The following TMEM87B variants were observed in gnomAD, a reference collection of about 807,000 sequenced individuals.
The protein encoded by TMEM87B is transmembrane protein 87B.
In TMEM87B, 83 loss-of-function variants were observed where a neutral mutation model predicts 80.3. The observed-to-expected ratio is 1.03, with a 90% CI of 0.87 to 1.24. The LOEUF (loss-of-function observed/expected upper bound fraction) is 1.24. Ranked by LOEUF, TMEM87B falls within the 50% of genes most tolerant of loss-of-function variation. The pLI is 0.00. For missense variants in TMEM87B, 625 were observed against 674.4 expected, an observed-to-expected ratio of 0.93 and a Z score of 0.81; for synonymous variants, 219 against 230.5, an observed-to-expected ratio of 0.95 and a Z score of 0.45.
At position 112,060,661 on chromosome 2, in the gene TMEM87B, C is replaced by G. The variant is rs373526222; in HGVS notation, c.226+624C>G. On this transcript the variant is annotated intron_variant, in intron 2 of 18. Coordinates refer to ENST00000283206, the MANE Select transcript of TMEM87B (RefSeq NM_032824.3). ...AAGTGATTCTCCTGCCTCAGCCTCC[C>G]TAGTAGCTGAGATTACAGGCGAACG... Among the ~76,000 whole-genome samples the G allele has an allele frequency of 9.9e-5, 15 of 151,654 alleles. No individual in the cohort carries two copies. The East Asian group carries it at 2.6e-3, about 26-fold the overall frequency.
At chr2:112,086,354 A>C (rs1453702406) in intron 9 of TMEM87B, among the ~76,000 whole-genome samples, 1 of 152,262 alleles carries the variant, frequency 6.6e-6, no homozygotes, top group African/African-American at 2.4e-5. Context: ...TTTAAGGATA[A>C]TGGAAAATCT....
chr2:112,058,088 A>G (rs1223426775), intron 1 of TMEM87B, among the ~76,000 whole-genome samples: 3 of 152,102 alleles, frequency 2.0e-5, no homozygotes, highest in Non-Finnish European at 1.5e-5. Context: ...CAGCCTCCCA[A>G]AGTTCTGGGA....
chr2:112,111,588 A>T (rs1021911116), intron 17 of TMEM87B, among the ~76,000 whole-genome samples: 1 of 152,216 alleles, frequency 6.6e-6, no homozygotes, highest in African/African-American at 2.4e-5. Flanking sequence ...CGAAAACTTT[A>T]ACACAAGAAA....
chr2:112,111,849 C>T (rs1679926219), intron 17 of TMEM87B, among the ~76,000 whole-genome samples: 1 of 152,096 alleles, frequency 6.6e-6, no homozygotes, highest in Non-Finnish European at 1.5e-5. Context: ...AGCTTATCTC[C>T]CTCTTTAATG....
chr2:112,109,244 A>C (rs1344319993), intron 17 of TMEM87B, among the ~76,000 whole-genome samples: 1 of 152,346 alleles, frequency 6.6e-6, no homozygotes, highest in Non-Finnish European at 1.5e-5. Flanking sequence ...TTTAGCAGTC[A>C]GAAAAGGAAA....
intron 1 of TMEM87B, 126 bp downstream of exon 1, chr2:112,055,882 T>C (rs1397854565): frequency 8.2e-7 from 1 of 1,213,912 alleles, no homozygotes; most frequent in African/African-American, 1.6e-5. Flanking sequence ...CCTGATACCC[T>C]CCCTGAGCCT....
intron 4 of TMEM87B, among the ~76,000 whole-genome samples, chr2:112,070,977 A>G (rs1259126328): frequency 2.0e-5 from 3 of 151,578 alleles, no homozygotes; most frequent in Admixed American, 6.6e-5. Flanking sequence ...GCCCGCCACC[A>G]TGCCCGGCTA....
intron 13 of TMEM87B, among the ~76,000 whole-genome samples, chr2:112,097,795 A>G (rs898519045): frequency 1.4e-5 from 2 of 147,562 alleles, no homozygotes; most frequent in Non-Finnish European, 3.0e-5. Context: ...TTTTCCTATT[A>G]TGCCCTTTTG....
chr2:112,097,296 G>C lies in TMEM87B; in HGVS notation c.1272+5G>C. 6.3e-7 allele frequency: 1 copy of C among 1,591,848 alleles called. No homozygotes were observed. The highest frequency in any genetic ancestry group is 1.2e-5 in the South Asian group (1 of 86,674). The stretch of plus-strand genomic sequence containing the variant: ...AGAATTGCAAAATGCCAATCAGTAA[G>C]TATAACCTTCCTATTTAAACAGTTA... On this transcript the variant is annotated splice_donor_5th_base_variant and intron_variant, in intron 13 of 18. Coordinates refer to ENST00000283206, the MANE Select transcript of TMEM87B (RefSeq NM_032824.3).
chr2:112,115,449 C>T (rs1368290394), intron 18 of TMEM87B, among the ~76,000 whole-genome samples: 2 of 144,270 alleles, frequency 1.4e-5, no homozygotes, highest in African/African-American at 5.3e-5. Context: ...CATAACTCTA[C>T]AGAAAGAGGT....
At chr2:112,092,228 G>A (rs1353281588) in intron 11 of TMEM87B, among the ~76,000 whole-genome samples, 1 of 152,144 alleles carries the variant, frequency 6.6e-6, no homozygotes, top group Non-Finnish European at 1.5e-5. Flanking sequence ...GACAAGTAGG[G>A]GTTTACTATT....
At chr2:112,085,954 C>G (rs1027253798) in intron 8 of TMEM87B, 51 bp from the exon 9 acceptor site, 21 of 1,491,610 alleles carry the variant, frequency 1.4e-5, no homozygotes, top group Non-Finnish European at 1.9e-5. Flanking sequence ...TCTTGGTTGG[C>G]AGGCTTCCAG....
chr2:112,104,337 T>A (rs1051052544), intron 15 of TMEM87B, among the ~76,000 whole-genome samples: 1 of 152,180 alleles, frequency 6.6e-6, no homozygotes, highest in Non-Finnish European at 1.5e-5. Context: ...ACAAAGGGCT[T>A]ATATCCAGAA....
intron 15 of TMEM87B, among the ~76,000 whole-genome samples, chr2:112,101,841 A>G (rs1281925490): frequency 6.6e-6 from 1 of 152,300 alleles, no homozygotes; most frequent in African/African-American, 2.4e-5. Context: ...AAATAAGGAA[A>G]TATTATGAAC....
intron 1 of TMEM87B, among the ~76,000 whole-genome samples, chr2:112,056,161 C>G (rs1394130894): frequency 2.0e-5 from 3 of 151,986 alleles, no homozygotes; most frequent in African/African-American, 4.8e-5. Flanking sequence ...CCCCTGAGGC[C>G]GCAGGGAGGA....
Position 112,081,468 on chromosome 2 carries a change from A to C in TMEM87B, c.788A>C (p.Lys263Thr), listed in dbSNP as rs1432316337. The part of the protein sequence containing the change: ...AAVIFLGMLE[K>T]AVFYSEYQNI... ...GTTATTTTTTTGGGAATGCTTGAAA[A>C]AGCAGTTTTTTATAGTGAATACCAA... is the stretch of plus-strand genomic sequence containing the variant. Residue 263 changes from lysine (K) to threonine (T), a missense_variant, in exon 8 of 19, where the codon AAA (lysine) becomes ACA (threonine). Lys to Thr is a moderately conservative substitution (Grantham distance 78, BLOSUM62 -1). Transcript: ENST00000283206. 6.2e-7 allele frequency: 1 copy of C among 1,613,336 alleles called. No homozygotes were observed. The highest frequency in any genetic ancestry group is 8.5e-7 in the Non-Finnish European group (1 of 1,179,892).
At chr2:112,087,619 GT>G (rs936306306) in intron 9 of TMEM87B, among the ~76,000 whole-genome samples, 8 of 152,080 alleles carry the variant, frequency 5.3e-5, no homozygotes, top group Non-Finnish European at 1.2e-4. Flanking sequence ...GCTCGGTTTT[GT>G]TTTTTCTTGC....
At position 112,100,678 on chromosome 2, in the gene TMEM87B, T is replaced by C; in HGVS notation, c.1433T>C (p.Val478Ala). Residue 478 changes from valine (V) to alanine (A), a missense_variant, in exon 15 of 19, where the codon GTA becomes GCA. Val to Ala is a moderately conservative substitution (Grantham distance 64). Coordinates refer to ENST00000283206, the MANE Select transcript of TMEM87B (RefSeq NM_032824.3). ...GATGATGAAATTGAGGAATTCATGGTAACTTCTGAAAATTTAAGTGAGTAA... is the reference window on the plus strand; with the variant it reads ...GATGATGAAATTGAGGAATTCATGGCAACTTCTGAAAATTTAAGTGAGTAA... ...DSDDEIEEFM[V>A]TSENLTEGIK... is the part of the protein sequence containing the mutation. 1 of 1,607,804 alleles carries C rather than the reference T, an allele frequency of 6.2e-7. No individual in the cohort carries two copies.
intron 1 of TMEM87B, among the ~76,000 whole-genome samples, chr2:112,056,702 A>T (rs1240483625): frequency 6.6e-6 from 1 of 152,210 alleles, no homozygotes; most frequent in African/African-American, 2.4e-5. Context: ...AGTTCCAAAG[A>T]CTACAAATAC....
Sources: allele counts gnomAD v4.1 joint callset (sites outside exome capture counted in the v4.1 genomes callset), GRCh38; gene constraint gnomAD v4.1.1; transcripts MANE v1.5; gene names NCBI Gene and HGNC (gene_info 2026-07-23, HGNC 2026-07-21).